ULK2: variants seen among roughly 807,000 people sequenced by gnomAD.
ULK2 encodes the protein unc-51 like autophagy activating kinase 2, also known as serine/threonine-protein kinase ULK2.
In ULK2, 76 loss-of-function variants were observed where a neutral mutation model predicts 127.5. That is an observed-to-expected ratio of 0.60 (90% confidence interval 0.50 to 0.72). The LOEUF is 0.72. Ranked by LOEUF, ULK2 falls within the 30% of genes least tolerant of loss-of-function variation. ULK2 has a pLI of 0.00. For missense variants in ULK2, 1,144 were observed against 1,295.9 expected, an observed-to-expected ratio of 0.88 and a Z score of 1.80; for synonymous variants, 452 against 461.9, an observed-to-expected ratio of 0.98 and a Z score of 0.28.
At chr17:19,818,593 C>T (rs2041053579) in intron 12 of ULK2, among the ~76,000 whole-genome samples, 1 of 152,012 alleles carries the variant, frequency 6.6e-6, no homozygotes, top group African/African-American at 2.4e-5. Flanking sequence ...CATGGGCGCT[C>T]CTCTCTCCAC....
At chr17:19,841,616 C>T (rs1281523286) in intron 8 of ULK2, 69 bp from the exon 9 acceptor site, 4 of 1,228,246 alleles carry the variant, frequency 3.3e-6, no homozygotes, top group Non-Finnish European at 4.5e-6. Flanking sequence ...ATGATTGACA[C>T]TCATATGCTT....
At chr17:19,817,018 T>A (rs1007923821) in intron 12 of ULK2, 98 bp from the exon 13 acceptor site, 2 of 1,147,054 alleles carry the variant, frequency 1.7e-6, no homozygotes, top group Non-Finnish European at 1.2e-6. Context: ...CCCACAAAAG[T>A]GGGCATGAAG....
At chr17:19,778,627 T>G (rs557072164) in intron 25 of ULK2, among the ~76,000 whole-genome samples, 62 of 152,354 alleles carry the variant, frequency 4.1e-4, no homozygotes, top group African/African-American at 1.5e-3. Context: ...AATGTATTTA[T>G]GCATTCTTAT....
chr17:19,801,726 T>A (rs1263531390), intron 16 of ULK2, 51 bp downstream of exon 16: 3 of 1,605,170 alleles, frequency 1.9e-6, no homozygotes, highest in Non-Finnish European at 2.5e-6. Context: ...CATGTCAGAT[T>A]TATTACAGTG....
Position 19,856,908 on chromosome 17 carries a change from T to C in ULK2, c.226-7134A>G, listed in dbSNP as rs186369022. Reference sequence around the variant, plus strand: ...GGGAGAATAGTGTCAACCCAGGAGGTGGAGCTTGCAGTGAGCCGAGATCGC... The same window carrying C: ...GGGAGAATAGTGTCAACCCAGGAGGCGGAGCTTGCAGTGAGCCGAGATCGC... On this transcript the variant is annotated intron_variant, in intron 3 of 26. Transcript: ENST00000395544. Among the ~76,000 whole-genome samples, 758 of 108,082 alleles carry C rather than the reference T, an allele frequency of 7.0e-3. 5 individuals carry two copies. The highest frequency in any genetic ancestry group is 0.027 in the African/African-American group (732 of 27,242). 70.9% of individuals were successfully genotyped at this position (108,082 alleles called of 152,430 possible). A position where few individuals can be genotyped will look rare whatever the true frequency, so the allele number is the denominator to read the frequency against.
At chr17:19,783,099 G>A (rs1186718722) in intron 22 of ULK2, among the ~76,000 whole-genome samples, 1 of 152,094 alleles carries the variant, frequency 6.6e-6, no homozygotes, top group Non-Finnish European at 1.5e-5. Context: ...TAAGCCAATT[G>A]ACTTCTAAAA....
At chr17:19,818,182 G>C (rs933065946) in intron 12 of ULK2, among the ~76,000 whole-genome samples, 2 of 152,166 alleles carry the variant, frequency 1.3e-5, no homozygotes, top group South Asian at 4.2e-4. Flanking sequence ...AATTAGCCGG[G>C]CATGACGGCG....
intron 9 of ULK2, among the ~76,000 whole-genome samples, chr17:19,840,899 A>G (rs1597797448): frequency 6.6e-6 from 1 of 152,022 alleles, no homozygotes; most frequent in East Asian, 1.9e-4. Context: ...AAAAACAAAA[A>G]AAAGCATACA....
chr17:19,784,003 G>C (rs547018109), intron 21 of ULK2, 98 bp from the exon 22 acceptor site: 29 of 1,121,354 alleles, frequency 2.6e-5, no homozygotes, highest in Middle Eastern at 6.5e-4. Flanking sequence ...AGGTGACAAA[G>C]GAAAGTTTCG....
intron 20 of ULK2, among the ~76,000 whole-genome samples, chr17:19,795,007 A>G (rs1464771936): frequency 6.6e-6 from 1 of 152,022 alleles, no homozygotes; most frequent in Non-Finnish European, 1.5e-5. Context: ...TGAACCCGGG[A>G]GGCGGAGCTT....
intron 20 of ULK2, among the ~76,000 whole-genome samples, chr17:19,794,984 C>T (rs913003074): frequency 3.3e-5 from 5 of 151,826 alleles, no homozygotes; most frequent in African/African-American, 7.3e-5. Context: ...GAGGCTGAGG[C>T]AGGAGAATGG....
intron 26 of ULK2, among the ~76,000 whole-genome samples, chr17:19,777,302 G>A (rs988704839): frequency 2.6e-5 from 4 of 152,120 alleles, no homozygotes; most frequent in South Asian, 2.1e-4. Flanking sequence ...ACGGGGTTTC[G>A]CTATGTTGGC....
intron 20 of ULK2, among the ~76,000 whole-genome samples, chr17:19,793,748 C>A (rs2087207086): frequency 6.6e-6 from 1 of 152,016 alleles, no homozygotes; most frequent in Non-Finnish European, 1.5e-5. Context: ...AAACAAAAAA[C>A]CTCACACTAA....
In ULK2 at chr17:19,777,604, G is replaced by A. The variant is rs772006308; in HGVS notation, c.3029C>T (p.Ala1010Val). 1 of 1,608,618 alleles carries A rather than the reference G, an allele frequency of 6.2e-7. No homozygotes were observed. The highest frequency in any genetic ancestry group is 1.1e-5 in the South Asian group (1 of 89,582). ...EGLSRILQDP[A>V]DIENVHKYKC... is the part of the protein sequence containing the mutation. ...ACATTTATGCACATTTTCAATATCT[G>A]CAGGGTCCTGTAGAATCCTACTTAG... Residue 1010 changes from alanine to valine, a missense_variant, in exon 26 of 27, where the codon GCA (alanine) becomes GTA (valine). Transcript: ENST00000395544.
intron 3 of ULK2, among the ~76,000 whole-genome samples, chr17:19,850,904 C>G (rs889611411): frequency 6.6e-6 from 1 of 151,978 alleles, no homozygotes; most frequent in African/African-American, 2.4e-5. Context: ...TTGGGCTGGG[C>G]CCAGTGGCTA....
chr17:19,816,803 A>C lies in ULK2; in HGVS notation c.1042T>G (p.Cys348Gly), dbSNP rs751295124. 6.2e-7 allele frequency: 1 copy of C among 1,610,982 alleles called. No homozygotes were observed. The change falls in exon 13 of 27, where the codon TGT (cysteine) becomes GGT (glycine). Residue 348 changes from cysteine (C) to glycine (G), a missense_variant. Coordinates refer to ENST00000395544, the MANE Select transcript of ULK2 (RefSeq NM_014683.4). Reference protein sequence around the residue: ...SASTSSKNSSCDTDDFVLVPH... With the variant: ...SASTSSKNSSGDTDDFVLVPH... ...ACCAAAACAAAGTCATCCGTGTCAC[A>C]AGAAGAGTTCTTGCTACTAGTACTG... is the stretch of plus-strand genomic sequence containing the variant.
intron 14 of ULK2, 149 bp downstream of exon 14, chr17:19,810,229 C>CAAAAAA (rs199922634): frequency 6.1e-6 from 2 of 328,740 alleles, no homozygotes; most frequent in Non-Finnish European, 1.0e-5. Flanking sequence ...GACTCCATCT[C>CAAAAAA]AAAAAAAAAA....
chr17:19,840,857 C>G (rs2152396842), intron 9 of ULK2, among the ~76,000 whole-genome samples: 1 of 152,070 alleles, frequency 6.6e-6, no homozygotes, highest in Non-Finnish European at 1.5e-5. Context: ...CCACTGCACT[C>G]CAGCCTGGGT....
At chr17:19,824,696 A>G (rs1035571832) in intron 12 of ULK2, among the ~76,000 whole-genome samples, 1 of 152,200 alleles carries the variant, frequency 6.6e-6, no homozygotes, top group African/African-American at 2.4e-5. Context: ...CTCCTCCCTC[A>G]GTAGAAATTC....
Sources: allele counts gnomAD v4.1 joint callset (sites outside exome capture counted in the v4.1 genomes callset), GRCh38; gene constraint gnomAD v4.1.1; transcripts MANE v1.5; gene names NCBI Gene and HGNC (gene_info 2026-07-23, HGNC 2026-07-21).